The following SPIDR variants were observed in gnomAD, a reference collection of about 807,000 sequenced individuals.
SPIDR encodes the protein DNA repair-scaffolding protein.
SPIDR carries 93 observed loss-of-function variants against 104.6 expected under a neutral mutation model. The observed-to-expected ratio is 0.89, with a 90% CI of 0.75 to 1.06. SPIDR has a LOEUF of 1.06. Among genes scored for constraint, SPIDR ranks in the 50% least tolerant of loss-of-function variants. The pLI, the probability that SPIDR is intolerant of heterozygous loss-of-function variation, is 0.00. For synonymous variants in SPIDR, 431 were observed against 416.9 expected, an observed-to-expected ratio of 1.03 and a Z score of -0.41; for missense variants, 1,154 against 1,111.2, an observed-to-expected ratio of 1.04 and a Z score of -0.55.
chr8:47,526,247 A>G (rs1186840596), intron 8 of SPIDR, among the ~76,000 whole-genome samples: 1 of 152,174 alleles, frequency 6.6e-6, no homozygotes, highest in Non-Finnish European at 1.5e-5. Context: ...TGACATCACA[A>G]CATGTGCATT....
intron 5 of SPIDR, among the ~76,000 whole-genome samples, chr8:47,395,705 T>C (rs1554657924): frequency 6.6e-6 from 1 of 152,194 alleles, no homozygotes; most frequent in African/African-American, 2.4e-5. Context: ...TATGAATTCT[T>C]GTTTTATAAT....
chr8:47,564,895 T>C (rs1305977215), intron 8 of SPIDR, among the ~76,000 whole-genome samples: 1 of 152,154 alleles, frequency 6.6e-6, no homozygotes, highest in Non-Finnish European at 1.5e-5. Context: ...GCAAGAAGTA[T>C]CAAGCAAAAC....
chr8:47,547,285 T>G (rs1205425230), intron 8 of SPIDR: 1 of 585,948 alleles, frequency 1.7e-6, no homozygotes, highest in African/African-American at 1.9e-5. Context: ...CTTGGTGTCA[T>G]AGATGAGACG....
intron 10 of SPIDR, among the ~76,000 whole-genome samples, chr8:47,651,257 A>G (rs1361929405): frequency 6.6e-6 from 1 of 152,178 alleles, no homozygotes; most frequent in African/African-American, 2.4e-5. Flanking sequence ...AAAAAAGAGA[A>G]AGACAAGTAA....
chr8:47,416,165 C>T (rs567897052), intron 7 of SPIDR, among the ~76,000 whole-genome samples: 15 of 152,320 alleles, frequency 9.8e-5, no homozygotes, highest in Admixed American at 4.6e-4. Context: ...ATTACTTGAA[C>T]CCCGGAGGCA....
intron 10 of SPIDR, among the ~76,000 whole-genome samples, chr8:47,670,056 G>C (rs1342747376): frequency 6.6e-6 from 1 of 152,076 alleles, no homozygotes; most frequent in Non-Finnish European, 1.5e-5. Context: ...GGGGGTATCA[G>C]TAGGAGATGA....
At chr8:47,349,805 T>C (rs2053065637) in intron 5 of SPIDR, among the ~76,000 whole-genome samples, 1 of 152,218 alleles carries the variant, frequency 6.6e-6, no homozygotes, top group Non-Finnish European at 1.5e-5. Context: ...CCTGGTGTGC[T>C]GTTTGCTAAG....
At chr8:47,457,192 A>G (rs1270498805) in intron 8 of SPIDR, among the ~76,000 whole-genome samples, 1 of 152,164 alleles carries the variant, frequency 6.6e-6, no homozygotes, top group Non-Finnish European at 1.5e-5. Context: ...ACTGTTTTCC[A>G]TAGTGGTTGT....
At chr8:47,483,042 CAG>C (rs1402082083) in intron 8 of SPIDR, among the ~76,000 whole-genome samples, 1 of 152,194 alleles carries the variant, frequency 6.6e-6, no homozygotes, top group Admixed American at 6.5e-5. Flanking sequence ...TGCCCAGAGT[CAG>C]GGGACAGGTC....
intron 8 of SPIDR, among the ~76,000 whole-genome samples, chr8:47,577,425 CTT>C (rs2059247299): frequency 6.6e-6 from 1 of 152,224 alleles, no homozygotes; most frequent in Non-Finnish European, 1.5e-5. Context: ...AAAGGGTAAA[CTT>C]GAGATGTGTG....
intron 10 of SPIDR, among the ~76,000 whole-genome samples, chr8:47,613,602 T>A (rs1345410495): frequency 1.3e-5 from 2 of 152,206 alleles, no homozygotes; most frequent in Non-Finnish European, 2.9e-5. Flanking sequence ...TACATCATTT[T>A]AAATTTTCAC....
intron 8 of SPIDR, among the ~76,000 whole-genome samples, chr8:47,531,847 C>A (rs1195631025): frequency 6.6e-6 from 1 of 151,684 alleles, no homozygotes; most frequent in African/African-American, 2.4e-5. Flanking sequence ...ATGTGGCATA[C>A]GACAAAAATT....
In SPIDR at chr8:47,735,084, ATGGGTGTGTGGGTGTGTGTGTGTG is replaced by A. The variant is rs1445374126; in HGVS notation, c.2605-212_2605-189del. 1.3e-4 allele frequency among the ~76,000 whole-genome samples: 20 copies of A among 148,958 alleles called. No individual in the cohort carries two copies. In the East Asian group the frequency reaches 2.8e-3, roughly 21 times the overall value. On this transcript the variant is annotated intron_variant, in intron 19 of 19. Coordinates refer to ENST00000297423, the MANE Select transcript of SPIDR (RefSeq NM_001080394.4). ...GTAGTTCCTTCACTTGCTAAAATAA[ATGGGTGTGTGGGTGTGTGTGTGTG>A]TGGGTGTGTGTGTGTGTGTGTGTGT...
At chr8:47,327,782 C>T (rs2047940693) in intron 5 of SPIDR, among the ~76,000 whole-genome samples, 1 of 152,136 alleles carries the variant, frequency 6.6e-6, no homozygotes, top group African/African-American at 2.4e-5. Context: ...AGGCTGATCT[C>T]AAACTCCAGA....
chr8:47,595,883 C>G lies in SPIDR; in HGVS notation c.1170C>G (p.Ala390=). 6.2e-7 allele frequency: 1 copy of G among 1,614,118 alleles called. No homozygotes were observed. Among genetic ancestry groups the G allele is most frequent in the Non-Finnish European group, 8.5e-7 (1 of 1,180,012 alleles). ...CTTACTTTTGTGAGAAAGTTGTTGCCAAAGAAGATTCAGAAAAAACTTGTG... is the reference window on the plus strand; with the variant it reads ...CTTACTTTTGTGAGAAAGTTGTTGCGAAAGAAGATTCAGAAAAAACTTGTG... ...LNTYFCEKVV[A]KEDSEKTCEV... is the part of the protein sequence containing the mutation. Residue 390 remains alanine, a synonymous_variant, in exon 9 of 20, where the codon GCC becomes GCG. Coordinates refer to ENST00000297423, the MANE Select transcript of SPIDR (RefSeq NM_001080394.4).
intron 8 of SPIDR, among the ~76,000 whole-genome samples, chr8:47,472,261 G>A (rs764717504): frequency 1.3e-5 from 2 of 152,168 alleles, no homozygotes; most frequent in Non-Finnish European, 2.9e-5. Flanking sequence ...CCTTCACATT[G>A]TCTCCTAGGA....
intron 1 of SPIDR, among the ~76,000 whole-genome samples, chr8:47,272,642 A>G (rs1268187746): frequency 6.6e-6 from 1 of 152,164 alleles, no homozygotes; most frequent in Non-Finnish European, 1.5e-5. Flanking sequence ...TCCAGAGTTC[A>G]GAGGTTAGGG....
intron 8 of SPIDR, among the ~76,000 whole-genome samples, chr8:47,519,575 G>A (rs1418324422): frequency 2.6e-5 from 4 of 152,168 alleles, no homozygotes; most frequent in Non-Finnish European, 5.9e-5. Flanking sequence ...TTGAGACTGG[G>A]AGTTCAGAAC....
At chr8:47,359,112 T>A (rs2055180835) in intron 5 of SPIDR, among the ~76,000 whole-genome samples, 2 of 152,036 alleles carry the variant, frequency 1.3e-5, no homozygotes, top group African/African-American at 4.8e-5. Context: ...AGTTTTTTTT[T>A]ACGGGCGCCT....
Sources: gnomAD v4.1 joint callset for allele counts (sites outside exome capture counted in the v4.1 genomes callset) on GRCh38, gnomAD v4.1.1 for gene constraint, MANE v1.5 for transcripts, NCBI Gene and HGNC (gene_info 2026-07-23, HGNC 2026-07-21) for gene names.